The following CADPS2 variants were observed in gnomAD, a reference collection of about 807,000 sequenced individuals.
The protein encoded by CADPS2 is calcium-dependent secretion activator 2.
Under a neutral mutation model 172.5 loss-of-function variants are expected in CADPS2, and 93 were observed. The ratio of observed to expected loss-of-function variants is 0.54; its 90% CI spans 0.46 to 0.64. The LOEUF (loss-of-function observed/expected upper bound fraction) is 0.64. Ranked by LOEUF, CADPS2 falls within the 30% of genes least tolerant of loss-of-function variation. The probability of loss-of-function intolerance (pLI) is 0.00; values close to 1 mark genes in which losing one functional copy is unlikely to be tolerated. For synonymous variants in CADPS2, 546 were observed against 555.2 expected (o/e 0.98, Z 0.23); for missense variants, 1,420 against 1,565.9 (o/e 0.91, Z 1.57).
intron 28 of CADPS2, among the ~76,000 whole-genome samples, chr7:122,335,472 C>T (rs2035713736): frequency 6.6e-6 from 1 of 152,112 alleles, no homozygotes; most frequent in African/African-American, 2.4e-5. Context: ...ACATGTTGGC[C>T]AGGCTGGTCT....
rs1018296824 is a variant in CADPS2, at chr7:122,835,948, G to A, written c.339+50051C>T. Among the ~76,000 whole-genome samples the A allele has an allele frequency of 1.5e-4, 23 of 152,154 alleles. No homozygotes were observed. In the Middle Eastern group the frequency reaches 0.01, roughly 68 times the overall value. On this transcript the variant is annotated intron_variant, in intron 1 of 29. Transcript: ENST00000449022. ...AGAGAACGCCACAAAGATACTCCTC[G>A]AGAAGAGCAACTCCAAGACACATAA...
chr7:122,424,223 TTAAAG>T, intron 17 of CADPS2: 1 of 561,730 alleles, frequency 1.8e-6, no homozygotes. Flanking sequence ...ACCCTGCCAT[TTAAAG>T]TAAGAGTTGC....
intron 6 of CADPS2, among the ~76,000 whole-genome samples, chr7:122,614,816 T>C (rs944084621): frequency 6.6e-6 from 1 of 152,158 alleles, no homozygotes; most frequent in Non-Finnish European, 1.5e-5. Context: ...CAGACAAAAA[T>C]GGAAAGGCTA....
rs190936104 is a variant in CADPS2, at chr7:122,361,153, G to A, written c.3388-140C>T. 63 of 621,564 alleles carry A rather than the reference G, an allele frequency of 1.0e-4. 1 individual carries two copies. In the East Asian group the frequency reaches 1.8e-3, roughly 17 times the overall value. 38.5% of individuals were successfully genotyped at this position (621,564 alleles called of 1,614,324 possible). A position where few individuals can be genotyped will look rare whatever the true frequency, so the allele number is the denominator to read the frequency against. On this transcript the variant is annotated intron_variant, in intron 25 of 29. Transcript: ENST00000449022. Reference sequence around the variant, plus strand: ...CTGACAGCTGAGGTCAGACTAACTTGTGATGTTTACTCTTTCATTCTGAAC... The same window carrying A: ...CTGACAGCTGAGGTCAGACTAACTTATGATGTTTACTCTTTCATTCTGAAC...
At chr7:122,591,175 A>C (rs547615908) in intron 6 of CADPS2, among the ~76,000 whole-genome samples, 15 of 152,258 alleles carry the variant, frequency 9.9e-5, no homozygotes, top group African/African-American at 3.6e-4. Flanking sequence ...AATCACAAGC[A>C]TTCCTATACA....
intron 2 of CADPS2, among the ~76,000 whole-genome samples, chr7:122,675,359 C>T (rs1476247217): frequency 2.6e-5 from 4 of 152,172 alleles, no homozygotes; most frequent in Non-Finnish European, 5.9e-5. Flanking sequence ...TGGTCACGTA[C>T]CGGAAAAGGC....
intron 1 of CADPS2, among the ~76,000 whole-genome samples, chr7:122,778,016 T>C (rs907152942): frequency 1.3e-5 from 2 of 152,016 alleles, no homozygotes; most frequent in East Asian, 1.9e-4. Context: ...GTGGGAAAGT[T>C]TGGAACTTCC....
intron 17 of CADPS2, among the ~76,000 whole-genome samples, chr7:122,418,325 G>A (rs2048170482): frequency 6.6e-6 from 1 of 152,172 alleles, no homozygotes; most frequent in Admixed American, 6.5e-5. Flanking sequence ...AAAGATAAAT[G>A]CAACAGCTAA....
intron 2 of CADPS2, among the ~76,000 whole-genome samples, chr7:122,701,121 T>C (rs952315195): frequency 1.3e-5 from 2 of 152,242 alleles, no homozygotes; most frequent in Non-Finnish European, 1.5e-5. Context: ...TAATTCTCTA[T>C]GGCAATGTCA....
intron 20 of CADPS2, among the ~76,000 whole-genome samples, chr7:122,397,549 A>T (rs2045320581): frequency 6.6e-6 from 1 of 152,066 alleles, no homozygotes; most frequent in Non-Finnish European, 1.5e-5. Context: ...TTCCAAAGAC[A>T]AGCTACAGAA....
intron 1 of CADPS2, among the ~76,000 whole-genome samples, chr7:122,826,823 A>G (rs1584697981): frequency 6.6e-6 from 1 of 152,222 alleles, no homozygotes; most frequent in East Asian, 1.9e-4. Flanking sequence ...TGTAGCATTA[A>G]ATGCATAGAT....
intron 18 of CADPS2, among the ~76,000 whole-genome samples, chr7:122,414,324 A>G (rs967520169): frequency 6.6e-6 from 1 of 152,220 alleles, no homozygotes. Flanking sequence ...TGCAAGAAGT[A>G]TAATTAACAT....
At chr7:122,500,259 G>GTCT (rs1336973820) in intron 9 of CADPS2, among the ~76,000 whole-genome samples, 3 of 151,940 alleles carry the variant, frequency 2.0e-5, no homozygotes, top group Non-Finnish European at 4.4e-5. Flanking sequence ...CTGACTCAGT[G>GTCT]TCTTCATAAT....
At chr7:122,705,575 ATTATATATTATATAATATATT>A (rs1438523672) in intron 2 of CADPS2, among the ~76,000 whole-genome samples, 2 of 114,514 alleles carry the variant, frequency 1.7e-5, no homozygotes, top group Non-Finnish European at 3.3e-5. Context: ...TATTATCTAT[ATTATATATTATATAATATATT>A]TTATATATTA....
chr7:122,415,321 T>C (rs943200544), intron 18 of CADPS2, among the ~76,000 whole-genome samples: 2 of 152,134 alleles, frequency 1.3e-5, no homozygotes, highest in African/African-American at 4.8e-5. Flanking sequence ...AAAGCAATCA[T>C]GGCATAGGGG....
chr7:122,617,903 C>G (rs919238636), intron 5 of CADPS2, among the ~76,000 whole-genome samples: 5 of 152,042 alleles, frequency 3.3e-5, no homozygotes, highest in Admixed American at 6.6e-5. Flanking sequence ...ATTAGCCTGG[C>G]TTGGTGGCAG....
chr7:122,837,746 G>A (rs1330747469), intron 1 of CADPS2, among the ~76,000 whole-genome samples: 3 of 152,152 alleles, frequency 2.0e-5, no homozygotes, highest in African/African-American at 7.2e-5. Context: ...TTGAATCCCT[G>A]AATAGACCAA....
intron 8 of CADPS2, among the ~76,000 whole-genome samples, chr7:122,527,612 G>GAA (rs2061357440): frequency 7.9e-6 from 1 of 126,282 alleles, no homozygotes; most frequent in South Asian, 2.6e-4. Flanking sequence ...GAGAGAGAGA[G>GAA]AGAGAGTGTG....
intron 1 of CADPS2, among the ~76,000 whole-genome samples, chr7:122,769,030 T>C (rs955916201): frequency 6.6e-6 from 1 of 151,814 alleles, no homozygotes. Context: ...GCCATTCAAA[T>C]AGCGCTGTCA....
Sources: gnomAD v4.1 joint callset for allele counts (sites outside exome capture counted in the v4.1 genomes callset) on GRCh38, gnomAD v4.1.1 for gene constraint, MANE v1.5 for transcripts, NCBI Gene and HGNC (gene_info 2026-07-23, HGNC 2026-07-21) for gene names.